DCT: variants seen among roughly 807,000 people sequenced by gnomAD.
The protein encoded by DCT is L-dopachrome tautomerase.
Under a neutral mutation model 53.0 loss-of-function variants are expected in DCT, and 47 were observed. The ratio of observed to expected loss-of-function variants is 0.89; its 90% CI spans 0.70 to 1.13. The LOEUF is 1.13. Ranked by LOEUF, DCT falls within the 50% of genes most tolerant of loss-of-function variation. The pLI, the probability that DCT is intolerant of heterozygous loss-of-function variation, is 0.00. For missense variants in DCT, 669 were observed against 637.4 expected (o/e 1.05, Z -0.53); for synonymous variants, 244 against 237.0 (o/e 1.03, Z -0.27).
the DCT span, among the ~76,000 whole-genome samples, chr13:94,501,216 C>A: frequency 6.6e-6 from 1 of 152,032 alleles, no homozygotes; most frequent in Non-Finnish European, 1.5e-5. Flanking sequence ...TTGCAGTGAA[C>A]GGAGATCGCA....
At chr13:94,473,155 T>C (rs140024089) in intron 1 of DCT, among the ~76,000 whole-genome samples, 216 of 152,274 alleles carry the variant, frequency 1.4e-3, no homozygotes, top group African/African-American at 4.6e-3. Flanking sequence ...CTTATGATGG[T>C]TCAACTTAAA....
At chr13:94,488,723 TAC>T in the DCT span, among the ~76,000 whole-genome samples, 11,544 of 138,848 alleles carry the variant, frequency 0.083, 575 homozygotes, top group East Asian at 0.19. Flanking sequence ...GTCTAATATA[TAC>T]ACACACACAC....
intron 1 of DCT, 51 bp downstream of exon 1, chr13:94,478,910 C>G (rs771623487): frequency 5.3e-6 from 8 of 1,518,264 alleles, no homozygotes; most frequent in Admixed American, 1.9e-5. Context: ...TTAGAAGGAG[C>G]TCTTTCCCCA....
At chr13:94,515,848 T>C in the DCT span, among the ~76,000 whole-genome samples, 1 of 152,164 alleles carries the variant, frequency 6.6e-6, no homozygotes, top group Non-Finnish European at 1.5e-5. Flanking sequence ...CGACGTGATC[T>C]CCAAGGAAGG....
At chr13:94,476,648 G>A (rs1258685475) in intron 1 of DCT, among the ~76,000 whole-genome samples, 4 of 151,826 alleles carry the variant, frequency 2.6e-5, no homozygotes, top group African/African-American at 9.7e-5. Context: ...GCTAATTTTT[G>A]TATTTTTAGT....
chr13:94,469,046 C>T lies in DCT; in HGVS notation c.296-1G>A. ...CCACAATTATAGCCGGCAAAGTTTCCTAGTTCACAAAACAGAAAGATGGAA... is the reference window on the plus strand; with the variant it reads ...CCACAATTATAGCCGGCAAAGTTTCTTAGTTCACAAAACAGAAAGATGGAA... On this transcript the variant is annotated splice_acceptor_variant, in intron 1 of 7. Transcript: ENST00000377028. LOFTEE classifies it high-confidence loss of function. The T allele has an allele frequency of 6.2e-7, 1 of 1,610,192 alleles. No individual in the cohort carries two copies. Among genetic ancestry groups the T allele is most frequent in the Non-Finnish European group, 8.5e-7 (1 of 1,176,658 alleles).
chr13:94,519,934 T>G, the DCT span, among the ~76,000 whole-genome samples: 3 of 152,290 alleles, frequency 2.0e-5, no homozygotes, highest in African/African-American at 7.2e-5. Context: ...AGTTCTAAGG[T>G]GGCAATTAAG....
At chr13:94,449,021 C>T (rs17196233) in intron 6 of DCT, among the ~76,000 whole-genome samples, 45,130 of 151,244 alleles carry the variant, frequency 0.3, 7,156 homozygotes, top group Middle Eastern at 0.41. Flanking sequence ...AATGAGGTTC[C>T]GAATTTTGGC....
At chr13:94,445,215 G>A (rs543739972) in intron 6 of DCT, among the ~76,000 whole-genome samples, 28 of 152,330 alleles carry the variant, frequency 1.8e-4, no homozygotes, top group African/African-American at 3.6e-4. Context: ...CCTCATTGAA[G>A]GTTGGCTTCA....
the DCT span, among the ~76,000 whole-genome samples, chr13:94,545,704 A>G: frequency 1.3e-5 from 2 of 152,188 alleles, no homozygotes; most frequent in Non-Finnish European, 1.5e-5. Context: ...CTCCCTCGCT[A>G]TAGCAAGCTC....
chr13:94,488,071 A>T, the DCT span, among the ~76,000 whole-genome samples: 7 of 151,832 alleles, frequency 4.6e-5, no homozygotes, highest in Admixed American at 4.6e-4. Flanking sequence ...TATTAATCTT[A>T]GTTATTTGCT....
chr13:94,461,007 C>T (rs1185909072), intron 5 of DCT, among the ~76,000 whole-genome samples: 2 of 152,136 alleles, frequency 1.3e-5, no homozygotes, highest in African/African-American at 2.4e-5. Context: ...TGTAGCATGG[C>T]TCAGTCTGCT....
the DCT span, among the ~76,000 whole-genome samples, chr13:94,534,935 G>T: frequency 6.6e-6 from 1 of 152,170 alleles, no homozygotes; most frequent in South Asian, 2.1e-4. Context: ...TAGAGACAAG[G>T]TCTTGCTAAG....
At chr13:94,532,571 G>A in the DCT span, among the ~76,000 whole-genome samples, 4 of 152,256 alleles carry the variant, frequency 2.6e-5, no homozygotes, top group East Asian at 3.9e-4. Flanking sequence ...TCACTCATAG[G>A]TGGGAGTTGA....
chr13:94,531,502 C>T, the DCT span, among the ~76,000 whole-genome samples: 1 of 152,190 alleles, frequency 6.6e-6, no homozygotes, highest in Non-Finnish European at 1.5e-5. Context: ...CTACGACCGT[C>T]TGATCTTTGA....
chr13:94,454,939 A>G (rs1171844692), intron 6 of DCT, among the ~76,000 whole-genome samples: 1 of 152,198 alleles, frequency 6.6e-6, no homozygotes, highest in Non-Finnish European at 1.5e-5. Context: ...ACATACTACT[A>G]AAGAAAAATA....
At chr13:94,498,182 C>A in the DCT span, among the ~76,000 whole-genome samples, 1 of 152,136 alleles carries the variant, frequency 6.6e-6, no homozygotes, top group Non-Finnish European at 1.5e-5. Flanking sequence ...GTGAGGAAAC[C>A]ACTAGATGAA....
rs571945753 is a variant in DCT, at chr13:94,465,446, AT to A, written c.863+186del. On this transcript the variant is annotated intron_variant, in intron 4 of 7. Transcript: ENST00000377028. ...ACCAATTCACAAATGTGATTTTGATATTTTTTTTTTAATTAAAGAGCTTTGA... is the reference window on the plus strand; with the variant it reads ...ACCAATTCACAAATGTGATTTTGATATTTTTTTTTAATTAAAGAGCTTTGA... The A allele has an allele frequency of 2.9e-3, 1,043 of 365,730 alleles. 3 individuals are homozygous for A. Among genetic ancestry groups the A allele is most frequent in the East Asian group, 0.023 (521 of 22,536 alleles). The allele number at this position is 365,730 out of a possible 1,614,324, so 22.7% of individuals were successfully genotyped here. A position where few individuals can be genotyped will look rare whatever the true frequency, so the allele number is the denominator to read the frequency against.
At position 94,438,820 on chromosome 13, in the gene DCT, C is replaced by CTTAA. The variant is rs1882072187; in HGVS notation, c.*1074_*1077dup. 1.2e-5 allele frequency: 4 copies of CTTAA among 334,658 alleles called. No individual in the cohort carries two copies. Among genetic ancestry groups the CTTAA allele is most frequent in the South Asian group, 9.5e-5 (4 of 42,226 alleles). The allele number at this position is 334,658 out of a possible 1,614,324, so 20.7% of individuals were successfully genotyped here. On this transcript the variant is annotated 3_prime_UTR_variant, in exon 8 of 8. Coordinates refer to ENST00000377028, the MANE Select transcript of DCT (RefSeq NM_001922.5). ...GATGGTTTGCTTTCAAATGATAAGA[C>CTTAA]TTAATTGATCAGCATTCATAAGTAA... is the stretch of plus-strand genomic sequence containing the variant.
Sources: allele counts gnomAD v4.1 joint callset (sites outside exome capture counted in the v4.1 genomes callset), GRCh38; gene constraint gnomAD v4.1.1; transcripts MANE v1.5; gene names NCBI Gene and HGNC (gene_info 2026-07-23, HGNC 2026-07-21).